DCHS2: variants seen among roughly 807,000 people sequenced by gnomAD.
The protein encoded by DCHS2 is protocadherin-23.
In DCHS2, 142 loss-of-function variants were observed where a neutral mutation model predicts 182.4. The observed-to-expected ratio is 0.78, with a 90% CI of 0.68 to 0.89. The LOEUF is 0.89. Among genes scored for constraint, DCHS2 ranks in the 40% least tolerant of loss-of-function variants. DCHS2 has a pLI of 0.00. For missense variants in DCHS2, 4,319 were observed against 4,198.6 expected (o/e 1.03, Z -0.79); for synonymous variants, 1,740 against 1,663.3 (o/e 1.05, Z -1.12).
intron 3 of DCHS2, among the ~76,000 whole-genome samples, chr4:154,359,838 T>A (rs987923925): frequency 6.6e-6 from 1 of 152,078 alleles, no homozygotes; most frequent in Non-Finnish European, 1.5e-5. Flanking sequence ...CTTACTCAAT[T>A]GGAAAGAGTA....
chr4:154,280,897 G>A (rs554904440), intron 13 of DCHS2, among the ~76,000 whole-genome samples: 16 of 151,224 alleles, frequency 1.1e-4, no homozygotes, highest in South Asian at 6.3e-4. Context: ...GCATGATCTC[G>A]GTTCACTGCA....
chr4:154,419,610 A>G (rs1292112861), intron 1 of DCHS2, among the ~76,000 whole-genome samples: 1 of 127,484 alleles, frequency 7.8e-6, no homozygotes, highest in East Asian at 3.0e-4. Flanking sequence ...AGATCACACC[A>G]TTGCATTCCA....
intron 9 of DCHS2, among the ~76,000 whole-genome samples, chr4:154,319,797 C>T (rs1303096082): frequency 6.6e-6 from 1 of 151,744 alleles, no homozygotes; most frequent in African/African-American, 2.4e-5. Context: ...AAACATAAAA[C>T]TATAACTACC....
At position 154,332,680 on chromosome 4, in the gene DCHS2, T is replaced by G; in HGVS notation, c.3528A>C (p.Thr1176=). The G allele has an allele frequency of 1.2e-6, 2 of 1,614,236 alleles. No individual in the cohort carries two copies. Among genetic ancestry groups the G allele is most frequent in the Non-Finnish European group, 1.7e-6 (2 of 1,180,036 alleles). The stretch of plus-strand genomic sequence containing the variant: ...TCTCATCCCAGACACGAACAATGAC[T>G]GTAGTGCTCACATTTTGCAAGAATC... The part of the protein sequence containing the change: ...EDGFLQNVST[T]VIVRVWDEND... The change falls in exon 5 of 20, where the codon ACA becomes ACC. Residue 1176 remains threonine (T), a synonymous_variant. Transcript: ENST00000357232.
intron 1 of DCHS2, among the ~76,000 whole-genome samples, chr4:154,439,829 G>T (rs1000427992): frequency 2.6e-5 from 4 of 152,118 alleles, no homozygotes; most frequent in Non-Finnish European, 4.4e-5. Flanking sequence ...AATATTTCAA[G>T]ATATCTGCAA....
intron 16 of DCHS2, among the ~76,000 whole-genome samples, chr4:154,251,986 G>A (rs1040523919): frequency 1.3e-5 from 2 of 151,400 alleles, no homozygotes; most frequent in African/African-American, 4.8e-5. Context: ...CTTCTATGTG[G>A]CTTAATATGA....
At chr4:154,480,424 C>T (rs907007098) in intron 1 of DCHS2, among the ~76,000 whole-genome samples, 1 of 152,172 alleles carries the variant, frequency 6.6e-6, no homozygotes, top group East Asian at 1.9e-4. Flanking sequence ...GATTAACTGT[C>T]ATCAGTAATG....
intron 2 of DCHS2, among the ~76,000 whole-genome samples, chr4:154,369,430 G>A (rs969389802): frequency 7.9e-5 from 12 of 152,298 alleles, no homozygotes; most frequent in Non-Finnish European, 1.5e-4. Flanking sequence ...AGAACACAGT[G>A]CGGGAATAGC....
Position 154,334,866 on chromosome 4 carries a change from A to G in DCHS2, c.2713+2T>C. 2 of 1,602,054 alleles carry G rather than the reference A, an allele frequency of 1.2e-6. No homozygotes were observed. The highest frequency in any genetic ancestry group is 1.3e-5 in the African/African-American group (1 of 74,796). ...CATGCAGCATAAGAAATAAGTACTT[A>G]CTCAAGGGCTCTCTTGCTTTCACTG... On this transcript the variant is annotated splice_donor_variant, in intron 4 of 19. Transcript: ENST00000357232. LOFTEE classifies it high-confidence loss of function.
intron 1 of DCHS2, among the ~76,000 whole-genome samples, chr4:154,456,784 T>A (rs1382693093): frequency 6.6e-6 from 1 of 152,182 alleles, no homozygotes; most frequent in Non-Finnish European, 1.5e-5. Context: ...GATGAACTTG[T>A]TGACATCTAT....
chr4:154,337,674 C>A (rs577862576), intron 3 of DCHS2, among the ~76,000 whole-genome samples: 1 of 152,066 alleles, frequency 6.6e-6, no homozygotes, highest in East Asian at 1.9e-4. Context: ...TGGATTGCTG[C>A]GTCCTCTTCC....
At chr4:154,296,571 G>A (rs1734935445) in intron 13 of DCHS2, among the ~76,000 whole-genome samples, 1 of 152,174 alleles carries the variant, frequency 6.6e-6, no homozygotes, top group Non-Finnish European at 1.5e-5. Flanking sequence ...GTTTAATAAT[G>A]TTAATAGATG....
At chr4:154,331,691 T>C (rs773038414) in intron 5 of DCHS2, 1 of 1,613,316 alleles carries the variant, frequency 6.2e-7, no homozygotes, top group South Asian at 1.1e-5. Flanking sequence ...GCCCAGGTTA[T>C]GACATAGATG....
intron 1 of DCHS2, among the ~76,000 whole-genome samples, chr4:154,411,811 A>G (rs1732645333): frequency 6.6e-6 from 1 of 152,232 alleles, no homozygotes; most frequent in African/African-American, 2.4e-5. Flanking sequence ...CAGTATATGT[A>G]TCATATAACA....
intron 16 of DCHS2, among the ~76,000 whole-genome samples, chr4:154,246,028 G>T (rs113229448): frequency 6.6e-5 from 10 of 152,166 alleles, no homozygotes; most frequent in African/African-American, 2.4e-4. Context: ...TCTCAATTTT[G>T]CTGTGGACCT....
chr4:154,240,348 T>C (rs560336913), intron 18 of DCHS2, among the ~76,000 whole-genome samples, 189 bp downstream of exon 18: 3 of 151,080 alleles, frequency 2.0e-5, no homozygotes, highest in East Asian at 1.9e-4. Context: ...CTAAACCGAA[T>C]GAGACATTCA....
chr4:154,304,882 A>C lies in DCHS2; in HGVS notation c.5396-4T>G. On this transcript the variant is annotated splice_region_variant and splice_polypyrimidine_tract_variant and intron_variant, in intron 11 of 19. Coordinates refer to ENST00000357232, the MANE Select transcript of DCHS2 (RefSeq NM_001358235.2). ...AATCCCCCATCTCGTACTAGTACTGACACAGAACACAAAGACGGTATGAAT... is the reference window on the plus strand; with the variant it reads ...AATCCCCCATCTCGTACTAGTACTGCCACAGAACACAAAGACGGTATGAAT... The C allele has an allele frequency of 6.2e-7, 1 of 1,602,458 alleles. No homozygotes were observed.
At chr4:154,324,258 CTTAAAG>C (rs1736193299) in intron 7 of DCHS2, among the ~76,000 whole-genome samples, 1 of 152,172 alleles carries the variant, frequency 6.6e-6, no homozygotes, top group African/African-American at 2.4e-5. Context: ...TTGGGATCTT[CTTAAAG>C]TTGGTTCCCG....
At chr4:154,385,772 G>A (rs542891960) in intron 1 of DCHS2, among the ~76,000 whole-genome samples, 8 of 152,202 alleles carry the variant, frequency 5.3e-5, no homozygotes, top group Admixed American at 3.3e-4. Context: ...GATTAAAGGT[G>A]TGAGCCACCA....
Sources: allele counts gnomAD v4.1 joint callset (sites outside exome capture counted in the v4.1 genomes callset), GRCh38; gene constraint gnomAD v4.1.1; transcripts MANE v1.5; gene names NCBI Gene and HGNC (gene_info 2026-07-23, HGNC 2026-07-21).